AQP7B: variants seen among roughly 807,000 people sequenced by gnomAD.
AQP7B encodes the protein putative aquaporin-7B.
At chr2:94,603,969 G>A in the AQP7B span, 1 of 1,110,842 alleles carries the variant, frequency 9.0e-7, no homozygotes, top group South Asian at 1.4e-5. Flanking sequence ...GAGTTTTTCT[G>A]TGGAGCTCCT....
the AQP7B span, among the ~76,000 whole-genome samples, chr2:94,594,400 G>A: frequency 6.6e-6 from 1 of 152,194 alleles, no homozygotes; most frequent in Non-Finnish European, 1.5e-5. Flanking sequence ...TTTCCAGCCT[G>A]CTCTCTCCCA....
chr2:94,600,230 C>T, the AQP7B span, among the ~76,000 whole-genome samples: 5 of 152,160 alleles, frequency 3.3e-5, no homozygotes, highest in African/African-American at 4.8e-5. Flanking sequence ...GCTTTGACTT[C>T]GGCCCTTATG....
At chr2:94,602,018 A>AGT in the AQP7B span, among the ~76,000 whole-genome samples, 12,073 of 139,820 alleles carry the variant, frequency 0.086, 543 homozygotes, top group South Asian at 0.15. Flanking sequence ...ATTGCGGCGG[A>AGT]GTGTGTGTGT....
chr2:94,603,851 G>A, the AQP7B span: 3 of 1,431,216 alleles, frequency 2.1e-6, no homozygotes, highest in African/African-American at 2.8e-5. Context: ...ATAAACACAG[G>A]ATATGCCATC....
chr2:94,600,848 C>T, the AQP7B span, among the ~76,000 whole-genome samples: 6 of 149,202 alleles, frequency 4.0e-5, 1 homozygote, highest in East Asian at 4.0e-4. Flanking sequence ...CATTGCACTC[C>T]GGCTTGGGCA....
chr2:94,593,008 C>T, the AQP7B span, among the ~76,000 whole-genome samples: 436 of 150,696 alleles, frequency 2.9e-3, 2 homozygotes, highest in African/African-American at 9.8e-3. Context: ...ATTTTTTTTT[C>T]GTAGAGATGA....
At chr2:94,603,450 TG>T in the AQP7B span, 1 of 1,612,196 alleles carries the variant, frequency 6.2e-7, no homozygotes, top group Non-Finnish European at 8.5e-7. Flanking sequence ...CTGGCATTTT[TG>T]CCACCTACCT....
chr2:94,602,669 C>A, the AQP7B span: 1 of 1,518,056 alleles, frequency 6.6e-7, no homozygotes, highest in Non-Finnish European at 9.1e-7. Flanking sequence ...CCCCAACAGG[C>A]TCTTTCCTGC....
At chr2:94,601,002 T>A in the AQP7B span, among the ~76,000 whole-genome samples, 2 of 152,236 alleles carry the variant, frequency 1.3e-5, no homozygotes, top group South Asian at 2.1e-4. Context: ...GCCCTGATCA[T>A]GGCACTGCAC....
the AQP7B span, among the ~76,000 whole-genome samples, chr2:94,589,996 C>A: frequency 6.6e-6 from 1 of 152,212 alleles, no homozygotes; most frequent in East Asian, 1.9e-4. Flanking sequence ...CCACCACCCG[C>A]CCATTCTTCA....
the AQP7B span, among the ~76,000 whole-genome samples, chr2:94,597,334 G>A: frequency 6.6e-6 from 1 of 152,172 alleles, no homozygotes; most frequent in Non-Finnish European, 1.5e-5. Flanking sequence ...TAGGGAAATA[G>A]GCACTGCCCA....
chr2:94,588,269 G>A, the AQP7B span, among the ~76,000 whole-genome samples: 1 of 152,040 alleles, frequency 6.6e-6, no homozygotes, highest in African/African-American at 2.4e-5. Flanking sequence ...GCACTGGAGG[G>A]TCTGGCCTGG....
At chr2:94,589,585 C>T in the AQP7B span, among the ~76,000 whole-genome samples, 1 of 152,202 alleles carries the variant, frequency 6.6e-6, no homozygotes, top group East Asian at 1.9e-4. Context: ...TATTACATTT[C>T]ATTGCTGTCA....
the AQP7B span, among the ~76,000 whole-genome samples, chr2:94,598,295 C>G: frequency 6.6e-6 from 1 of 152,032 alleles, no homozygotes; most frequent in Non-Finnish European, 1.5e-5. Flanking sequence ...GACCTTGGCC[C>G]CATTTATTGC....
At chr2:94,601,129 C>T in the AQP7B span, among the ~76,000 whole-genome samples, 1 of 152,210 alleles carries the variant, frequency 6.6e-6, no homozygotes, top group Non-Finnish European at 1.5e-5. Flanking sequence ...GGTTTGAGGC[C>T]ATCTGGCACA....
the AQP7B span, among the ~76,000 whole-genome samples, chr2:94,601,265 A>C: frequency 2.0e-5 from 3 of 152,320 alleles, no homozygotes; most frequent in African/African-American, 7.2e-5. Flanking sequence ...GTGCTTAACT[A>C]TCATTTGCAA....
the AQP7B span, chr2:94,604,532 GC>G: frequency 6.2e-7 from 1 of 1,608,998 alleles, no homozygotes; most frequent in Non-Finnish European, 8.5e-7. Context: ...AGTCCACTCT[GC>G]CCCACCCTTA....
chr2:94,587,831 C>T, the AQP7B span, among the ~76,000 whole-genome samples: 3 of 152,034 alleles, frequency 2.0e-5, no homozygotes, highest in Non-Finnish European at 4.4e-5. Context: ...GCAGTCCCCT[C>T]CTGAGGGGCT....
chr2:94,594,441 C>T, the AQP7B span, among the ~76,000 whole-genome samples: 2 of 152,304 alleles, frequency 1.3e-5, no homozygotes, highest in South Asian at 2.1e-4. Flanking sequence ...TTGTTGGCAC[C>T]GTGGATTGCA....
Sources: gnomAD v4.1 joint callset for allele counts (sites outside exome capture counted in the v4.1 genomes callset) on GRCh38, gnomAD v4.1.1 for gene constraint, MANE v1.5 for transcripts, NCBI Gene and HGNC (gene_info 2026-07-23, HGNC 2026-07-21) for gene names.